The following NLGN1 variants were observed in gnomAD, a reference collection of about 807,000 sequenced individuals.
The protein encoded by NLGN1 is neuroligin-1.
Under a neutral mutation model 65.5 loss-of-function variants are expected in NLGN1, and 12 were observed. The ratio of observed to expected loss-of-function variants is 0.18; its 90% CI spans 0.12 to 0.30. NLGN1 has a LOEUF of 0.30. Among genes scored for constraint, NLGN1 ranks in the 10% least tolerant of loss-of-function variants. The pLI is 1.00. For missense variants in NLGN1, 750 were observed against 1,007.1 expected, an observed-to-expected ratio of 0.74 and a Z score of 3.46; for synonymous variants, 350 against 359.5, an observed-to-expected ratio of 0.97 and a Z score of 0.30.
At chr3:174,078,382 A>G (rs1741446379) in intron 4 of NLGN1, among the ~76,000 whole-genome samples, 1 of 152,180 alleles carries the variant, frequency 6.6e-6, no homozygotes, top group Non-Finnish European at 1.5e-5. Context: ...ATTAATAGTG[A>G]TCAACTGTCC....
At chr3:173,996,687 A>G (rs1428565957) in intron 4 of NLGN1, among the ~76,000 whole-genome samples, 1 of 152,036 alleles carries the variant, frequency 6.6e-6, no homozygotes, top group African/African-American at 2.4e-5. Context: ...AAATCAATTC[A>G]TAATTTTTAC....
At chr3:174,257,981 A>G (rs1319724620) in intron 4 of NLGN1, among the ~76,000 whole-genome samples, 2 of 151,400 alleles carry the variant, frequency 1.3e-5, no homozygotes, top group Non-Finnish European at 2.9e-5. Context: ...CATTCATTAA[A>G]TTTTTTGTAA....
chr3:173,998,991 G>A (rs567970411), intron 4 of NLGN1, among the ~76,000 whole-genome samples: 2 of 152,176 alleles, frequency 1.3e-5, no homozygotes, highest in African/African-American at 2.4e-5. Context: ...AGCCGTAGTC[G>A]CACACACCAA....
intron 4 of NLGN1, among the ~76,000 whole-genome samples, chr3:173,865,267 C>G (rs1729911162): frequency 6.6e-6 from 1 of 151,648 alleles, no homozygotes; most frequent in African/African-American, 2.4e-5. Flanking sequence ...CAATTTTGAA[C>G]CAAACTTCAA....
At chr3:173,701,321 C>G (rs1767132854) in intron 3 of NLGN1, among the ~76,000 whole-genome samples, 1 of 152,072 alleles carries the variant, frequency 6.6e-6, no homozygotes, top group African/African-American at 2.4e-5. Flanking sequence ...TATCTGGGTG[C>G]CTCAGTGTAG....
intron 4 of NLGN1, among the ~76,000 whole-genome samples, chr3:174,197,967 G>A (rs1015002976): frequency 6.6e-6 from 1 of 151,882 alleles, no homozygotes. Flanking sequence ...TCTACAAGTA[G>A]TTATACATAC....
intron 4 of NLGN1, among the ~76,000 whole-genome samples, chr3:174,104,988 A>G (rs1713397366): frequency 6.6e-6 from 1 of 152,160 alleles, no homozygotes; most frequent in South Asian, 2.1e-4. Context: ...TGACAAGAGT[A>G]GAAAAGGATG....
At chr3:173,984,670 G>A (rs1306496058) in intron 4 of NLGN1, among the ~76,000 whole-genome samples, 1 of 152,166 alleles carries the variant, frequency 6.6e-6, no homozygotes, top group Non-Finnish European at 1.5e-5. Flanking sequence ...AAACTATGAA[G>A]TAGTATTCCA....
At chr3:174,117,869 G>T (rs1162262867) in intron 4 of NLGN1, among the ~76,000 whole-genome samples, 2 of 152,082 alleles carry the variant, frequency 1.3e-5, no homozygotes, top group Non-Finnish European at 2.9e-5. Flanking sequence ...ATTAAAAAAT[G>T]CCCTTTATTT....
At chr3:173,655,355 A>G (rs1759836743) in intron 3 of NLGN1, among the ~76,000 whole-genome samples, 1 of 152,114 alleles carries the variant, frequency 6.6e-6, no homozygotes, top group Non-Finnish European at 1.5e-5. Context: ...AAATATATAT[A>G]TGAACCTTTT....
intron 4 of NLGN1, among the ~76,000 whole-genome samples, chr3:174,145,485 C>T (rs950475039): frequency 2.0e-5 from 3 of 151,758 alleles, no homozygotes; most frequent in African/African-American, 7.3e-5. Context: ...TGCACTCCAG[C>T]CTGGTGACAG....
At chr3:173,953,185 G>C (rs1748554622) in intron 4 of NLGN1, among the ~76,000 whole-genome samples, 1 of 152,160 alleles carries the variant, frequency 6.6e-6, no homozygotes, top group African/African-American at 2.4e-5. Flanking sequence ...TAAAAGGCAA[G>C]TAATTGTATT....
chr3:173,504,019 A>G (rs570513543), intron 2 of NLGN1, among the ~76,000 whole-genome samples: 4 of 152,252 alleles, frequency 2.6e-5, no homozygotes, highest in African/African-American at 9.6e-5. Context: ...CAGAAATCTG[A>G]TAATTAGGAG....
intron 5 of NLGN1, among the ~76,000 whole-genome samples, chr3:174,277,941 T>C (rs993900709): frequency 6.6e-6 from 1 of 151,816 alleles, no homozygotes; most frequent in Admixed American, 6.6e-5. Context: ...TAAAAGAAAA[T>C]AAACTATATT....
chr3:173,954,677 A>G (rs865844994), intron 4 of NLGN1, among the ~76,000 whole-genome samples: 6 of 152,076 alleles, frequency 3.9e-5, no homozygotes, highest in East Asian at 1.9e-4. Context: ...AGAACTGACT[A>G]TTGCTCACAC....
chr3:174,288,865 C>A (rs1170470544), downstream of NLGN1, among the ~76,000 whole-genome samples: 5 of 151,450 alleles, frequency 3.3e-5, no homozygotes, highest in African/African-American at 9.7e-5. Flanking sequence ...TTGAGATGTA[C>A]TTTCTACTAA....
intron 4 of NLGN1, among the ~76,000 whole-genome samples, chr3:174,265,982 GTATATATGTA>G (rs1748120720): frequency 6.8e-6 from 1 of 146,702 alleles, no homozygotes; most frequent in African/African-American, 2.5e-5. Context: ...GTATATATAT[GTATATATGTA>G]TATATATATT....
At chr3:173,770,323 G>T (rs1384298549) in intron 3 of NLGN1, among the ~76,000 whole-genome samples, 2 of 152,132 alleles carry the variant, frequency 1.3e-5, no homozygotes, top group African/African-American at 4.8e-5. Context: ...GGCTACAGAG[G>T]TGAGTTGATT....
intron 4 of NLGN1, among the ~76,000 whole-genome samples, chr3:174,156,680 T>TA: frequency 6.6e-6 from 1 of 151,870 alleles, no homozygotes; most frequent in East Asian, 1.9e-4. Context: ...ATTTAAGAGG[T>TA]AAAGTACAGT....
Sources: allele counts gnomAD v4.1 joint callset (sites outside exome capture counted in the v4.1 genomes callset), GRCh38; gene constraint gnomAD v4.1.1; transcripts MANE v1.5; gene names NCBI Gene and HGNC (gene_info 2026-07-23, HGNC 2026-07-21).